Variants in BORCS5 observed in about 807,000 individuals in gnomAD.
The protein encoded by BORCS5 is BLOC-1-related complex subunit 5.
Under a neutral mutation model 22.1 loss-of-function variants are expected in BORCS5, and 17 were observed. The observed-to-expected ratio is 0.77, with a 90% CI of 0.53 to 1.15. The LOEUF is 1.15. Ranked by LOEUF, BORCS5 falls within the 50% of genes most tolerant of loss-of-function variation. The pLI is 0.00. For missense variants in BORCS5, 247 were observed against 253.2 expected, an observed-to-expected ratio of 0.98 and a Z score of 0.17; for synonymous variants, 117 against 99.8, an observed-to-expected ratio of 1.17 and a Z score of -1.03.
At chr12:12,378,348 G>A (rs577501357) in intron 2 of BORCS5, among the ~76,000 whole-genome samples, 1 of 152,248 alleles carries the variant, frequency 6.6e-6, no homozygotes, top group Admixed American at 6.5e-5. Context: ...CTGCAGCCTG[G>A]GTGACAGAGT....
At chr12:12,427,212 G>T (rs549190912) in intron 2 of BORCS5, among the ~76,000 whole-genome samples, 1 of 111,906 alleles carries the variant, frequency 8.9e-6, no homozygotes, top group East Asian at 2.5e-4. Context: ...TGGGAGTCTC[G>T]CACTCTCGTC....
chr12:12,417,461 C>G (rs1422644093), intron 2 of BORCS5, among the ~76,000 whole-genome samples: 2 of 152,094 alleles, frequency 1.3e-5, no homozygotes, highest in African/African-American at 4.8e-5. Context: ...TTCTGTCTGT[C>G]TGTGAAGTTG....
chr12:12,396,536 G>C (rs1407465308), intron 2 of BORCS5, among the ~76,000 whole-genome samples: 1 of 152,090 alleles, frequency 6.6e-6, no homozygotes, highest in Non-Finnish European at 1.5e-5. Flanking sequence ...TAGGTCCGCT[G>C]AATGCAGTAT....
intron 2 of BORCS5, among the ~76,000 whole-genome samples, chr12:12,409,023 G>A (rs567867072): frequency 4.6e-5 from 7 of 151,926 alleles, no homozygotes; most frequent in South Asian, 2.1e-4. Context: ...CACCCCTTTC[G>A]CCAGCGGCTA....
intron 3 of BORCS5, among the ~76,000 whole-genome samples, chr12:12,446,784 C>G (rs1942799207): frequency 6.6e-6 from 1 of 152,150 alleles, no homozygotes; most frequent in South Asian, 2.1e-4. Context: ...TGTCTAAGGT[C>G]CTTTCACACC....
intron 2 of BORCS5, among the ~76,000 whole-genome samples, chr12:12,404,523 T>G (rs1264126253): frequency 6.6e-6 from 1 of 152,148 alleles, no homozygotes; most frequent in African/African-American, 2.4e-5. Flanking sequence ...CCTCATGGCC[T>G]AACCACCTCT....
Position 12,412,666 on chromosome 12 carries a change from G to T in BORCS5, c.203-22962G>T, listed in dbSNP as rs570578290. 3.3e-5 allele frequency among the ~76,000 whole-genome samples: 5 copies of T among 152,196 alleles called. No homozygotes were observed. The East Asian group carries it at 7.7e-4, about 23-fold the overall frequency. ...ACTTCCATTATTATGTTGAATAGAAGTGGTGAAAACAGGCATCCTTGCTTT... is the reference window on the plus strand; with the variant it reads ...ACTTCCATTATTATGTTGAATAGAATTGGTGAAAACAGGCATCCTTGCTTT... On this transcript the variant is annotated intron_variant, in intron 2 of 3. Transcript: ENST00000314565.
intron 2 of BORCS5, among the ~76,000 whole-genome samples, chr12:12,407,781 C>T (rs1941627033): frequency 1.3e-5 from 2 of 151,176 alleles, no homozygotes; most frequent in Admixed American, 1.3e-4. Flanking sequence ...TCTTGGCTCA[C>T]TGCGACCTCC....
intron 2 of BORCS5, among the ~76,000 whole-genome samples, chr12:12,380,583 T>C (rs1192188112): frequency 6.6e-6 from 1 of 151,578 alleles, no homozygotes; most frequent in Non-Finnish European, 1.5e-5. Context: ...TATGAACCTT[T>C]GTGACCATGT....
At chr12:12,360,567 ATTT>A (rs35965943) in intron 1 of BORCS5, among the ~76,000 whole-genome samples, 9 of 89,236 alleles carry the variant, frequency 1.0e-4, no homozygotes, top group African/African-American at 8.7e-5. Flanking sequence ...ATTAAAAGAA[ATTT>A]TTTTTTTTTT....
intron 3 of BORCS5, chr12:12,452,138 A>C (rs1942923159): frequency 9.0e-6 from 5 of 552,966 alleles, no homozygotes; most frequent in South Asian, 5.8e-5. Context: ...ACTTTATAGT[A>C]ATGTCACCAA....
intron 3 of BORCS5, among the ~76,000 whole-genome samples, chr12:12,461,161 CT>C (rs35299390): frequency 0.077 from 10,338 of 134,132 alleles, 452 homozygotes; most frequent in East Asian, 0.22. Flanking sequence ...TTATTGCATT[CT>C]TTTTTTTTTT....
intron 3 of BORCS5, among the ~76,000 whole-genome samples, chr12:12,447,603 G>A (rs1045466157): frequency 6.6e-6 from 1 of 152,100 alleles, no homozygotes; most frequent in Non-Finnish European, 1.5e-5. Flanking sequence ...TCCCATGTGC[G>A]GTATCTTGGT....
intron 3 of BORCS5, among the ~76,000 whole-genome samples, chr12:12,443,587 C>T (rs539842142): frequency 1.3e-5 from 2 of 152,324 alleles, no homozygotes; most frequent in East Asian, 3.9e-4. Flanking sequence ...CACTGTCCTG[C>T]CAAAAGCCAG....
chr12:12,433,322 C>CAAAAG (rs1942476200), intron 2 of BORCS5, among the ~76,000 whole-genome samples: 1 of 40,670 alleles, frequency 2.5e-5, no homozygotes, highest in African/African-American at 7.2e-5. Flanking sequence ...GACTGTGTCT[C>CAAAAG]AAAAAAAAAA....
At chr12:12,422,137 G>A (rs765457016) in intron 2 of BORCS5, among the ~76,000 whole-genome samples, 6 of 151,992 alleles carry the variant, frequency 3.9e-5, no homozygotes, top group Non-Finnish European at 8.8e-5. Context: ...TGTGATATTA[G>A]GGTGTCGATT....
intron 2 of BORCS5, among the ~76,000 whole-genome samples, chr12:12,378,506 G>T (rs1440400587): frequency 6.6e-6 from 1 of 152,122 alleles, no homozygotes; most frequent in Non-Finnish European, 1.5e-5. Flanking sequence ...ATTATTAAAT[G>T]AGGAAAAAAT....
intron 2 of BORCS5, among the ~76,000 whole-genome samples, chr12:12,399,301 G>T (rs1270268933): frequency 6.6e-6 from 1 of 151,830 alleles, no homozygotes; most frequent in Non-Finnish European, 1.5e-5. Context: ...ATTGGATGGA[G>T]GGAAGGAAAA....
intron 3 of BORCS5, among the ~76,000 whole-genome samples, chr12:12,450,690 T>C (rs1942891250): frequency 6.6e-6 from 1 of 152,148 alleles, no homozygotes; most frequent in African/African-American, 2.4e-5. Flanking sequence ...TTAGAAAAAA[T>C]AGGCAAAAAT....
Sources: allele counts gnomAD v4.1 joint callset (sites outside exome capture counted in the v4.1 genomes callset), GRCh38; gene constraint gnomAD v4.1.1; transcripts MANE v1.5; gene names NCBI Gene and HGNC (gene_info 2026-07-23, HGNC 2026-07-21).